The following SORBS2 variants were observed in gnomAD, a reference collection of about 807,000 sequenced individuals.
The protein encoded by SORBS2 is sorbin and SH3 domain containing 2, also known as sorbin and SH3 domain-containing protein 2.
A neutral mutation model predicts 97.7 loss-of-function variants in SORBS2; 46 were observed. The observed-to-expected ratio is 0.47, with a 90% CI of 0.37 to 0.60. The LOEUF is 0.60. SORBS2 is among the 20% of genes least tolerant of loss of function. The probability of loss-of-function intolerance (pLI) is 0.00; values close to 1 mark genes in which losing one functional copy is unlikely to be tolerated. For synonymous variants in SORBS2, 476 were observed against 473.4 expected (o/e 1.01, Z -0.07); for missense variants, 1,316 against 1,282.3 (o/e 1.03, Z -0.40).
At chr4:185,845,706 AAAAC>A (rs1371280635) in intron 1 of SORBS2, among the ~76,000 whole-genome samples, 2 of 152,236 alleles carry the variant, frequency 1.3e-5, no homozygotes, top group Non-Finnish European at 2.9e-5. Context: ...CAACAATAAT[AAAAC>A]AAACAACCCA....
At position 185,907,447 on chromosome 4, in the gene SORBS2, G is replaced by A. The variant is rs142199204; in HGVS notation, c.-338+48749C>T. On this transcript the variant is annotated intron_variant, in intron 1 of 20. Transcript: ENST00000284776. ...TTCTCCTGAGGAGGTGTTATTTACC[G>A]TCTTTATAACATAATTGTCATGTTT... Among the ~76,000 whole-genome samples the A allele has an allele frequency of 1.6e-4, 24 of 152,258 alleles. 1 individual carries two copies. Among genetic ancestry groups the A allele is most frequent in the Admixed American group, 7.8e-4 (12 of 15,294 alleles).
chr4:185,678,379 T>A, intron 4 of SORBS2, 44 bp downstream of exon 7: 1 of 1,497,882 alleles, frequency 6.7e-7, no homozygotes, highest in Admixed American at 2.3e-5. Flanking sequence ...GGTCTAATAA[T>A]CATGCCTTAA....
At chr4:185,776,368 A>G (rs1306545374) in intron 1 of SORBS2, among the ~76,000 whole-genome samples, 6 of 152,202 alleles carry the variant, frequency 3.9e-5, no homozygotes. Flanking sequence ...ACTGTGTGTC[A>G]TCAGACCAAC....
At chr4:185,648,358 C>T (rs1228770937) in intron 3 of SORBS2, among the ~76,000 whole-genome samples, 3 of 152,048 alleles carry the variant, frequency 2.0e-5, no homozygotes, top group African/African-American at 7.2e-5. Context: ...AAAAATTAGC[C>T]GGGCGTGGTG....
intron 2 of SORBS2, among the ~76,000 whole-genome samples, chr4:185,698,083 A>C (rs1430259880): frequency 1.3e-5 from 2 of 152,176 alleles, no homozygotes; most frequent in African/African-American, 2.4e-5. Flanking sequence ...GGATAAGATA[A>C]ATGGATGCCC....
intron 4 of SORBS2, among the ~76,000 whole-genome samples, chr4:185,640,838 G>C (rs899691241): frequency 1.3e-5 from 2 of 152,092 alleles, no homozygotes; most frequent in African/African-American, 2.4e-5. Context: ...TTCTTCTACA[G>C]GAAAACTAAC....
At chr4:185,691,293 G>T (rs1457544427) in intron 2 of SORBS2, among the ~76,000 whole-genome samples, 2 of 151,852 alleles carry the variant, frequency 1.3e-5, no homozygotes, top group African/African-American at 4.8e-5. Context: ...TTAATTTCCC[G>T]GGCTCAAGCC....
At chr4:185,926,937 A>G (rs2099263991) in intron 1 of SORBS2, among the ~76,000 whole-genome samples, 1 of 152,012 alleles carries the variant, frequency 6.6e-6, no homozygotes. Context: ...ATAGCTCTAT[A>G]TAAGCCACAA....
intron 2 of SORBS2, chr4:185,757,224 A>G (rs1016021704): frequency 2.6e-5 from 8 of 310,220 alleles, no homozygotes; most frequent in Non-Finnish European, 1.2e-5. Context: ...TAAGATATTT[A>G]GATGTTGCAA....
At chr4:185,762,042 T>C (rs1158049138) in intron 2 of SORBS2, among the ~76,000 whole-genome samples, 2 of 152,140 alleles carry the variant, frequency 1.3e-5, no homozygotes, top group East Asian at 1.9e-4. Context: ...GCAGAGAGAA[T>C]GGATGTAAAG....
At chr4:185,809,455 CAAAAAAAAAAAAA>C (rs55713465) in intron 1 of SORBS2, among the ~76,000 whole-genome samples, 81 of 47,290 alleles carry the variant, frequency 1.7e-3, no homozygotes, top group South Asian at 2.9e-3. Flanking sequence ...ACTGCATTTG[CAAAAAAAAAAAAA>C]AAAAAAAAAA....
At chr4:185,622,403 C>T (rs1035977198) in intron 7 of SORBS2, among the ~76,000 whole-genome samples, 1 of 152,134 alleles carries the variant, frequency 6.6e-6, no homozygotes, top group Non-Finnish European at 1.5e-5. Flanking sequence ...ATTAAACAAA[C>T]CCTAATTTCT....
intron 1 of SORBS2, among the ~76,000 whole-genome samples, chr4:185,884,434 A>G (rs2099238338): frequency 6.6e-6 from 1 of 152,176 alleles, no homozygotes; most frequent in African/African-American, 2.4e-5. Flanking sequence ...CTTGATTTTT[A>G]AAATAAGCAT....
intron 1 of SORBS2, among the ~76,000 whole-genome samples, chr4:185,816,876 G>C (rs1476352996): frequency 1.3e-5 from 2 of 152,178 alleles, no homozygotes; most frequent in Admixed American, 6.5e-5. Flanking sequence ...CAACAAACTG[G>C]AGAGAAAGCC....
At chr4:185,841,541 T>C (rs906277472) in intron 1 of SORBS2, among the ~76,000 whole-genome samples, 1 of 152,166 alleles carries the variant, frequency 6.6e-6, no homozygotes, top group Non-Finnish European at 1.5e-5. Flanking sequence ...GTTCCTCCCA[T>C]GGAGGTCCCC....
chr4:185,848,240 G>A (rs967950303), intron 1 of SORBS2, among the ~76,000 whole-genome samples: 1 of 152,170 alleles, frequency 6.6e-6, no homozygotes, highest in Non-Finnish European at 1.5e-5. Flanking sequence ...ATGATTCTGG[G>A]CTTCAAGGGT....
intron 1 of SORBS2, among the ~76,000 whole-genome samples, chr4:185,913,463 C>T (rs1039125662): frequency 1.1e-4 from 16 of 152,292 alleles, no homozygotes; most frequent in Admixed American, 2.6e-4. Context: ...GTGATTCTTT[C>T]GAGACGAGTC....
chr4:185,955,571 A>G (rs1187091643), intron 1 of SORBS2, among the ~76,000 whole-genome samples: 2 of 152,202 alleles, frequency 1.3e-5, no homozygotes, highest in Non-Finnish European at 2.9e-5. Flanking sequence ...AACATATTAA[A>G]TTATCCTTCC....
At chr4:185,692,373 C>G (rs897644396) in intron 2 of SORBS2, among the ~76,000 whole-genome samples, 1 of 152,220 alleles carries the variant, frequency 6.6e-6, no homozygotes, top group Non-Finnish European at 1.5e-5. Flanking sequence ...GAAATGAAAT[C>G]ATTGGCATGA....
Sources: allele counts gnomAD v4.1 joint callset (sites outside exome capture counted in the v4.1 genomes callset), GRCh38; gene constraint gnomAD v4.1.1; transcripts MANE v1.5; gene names NCBI Gene and HGNC (gene_info 2026-07-23, HGNC 2026-07-21).